The following GPR174 variants were observed in gnomAD, a reference collection of about 807,000 sequenced individuals.
GPR174 encodes the protein G protein-coupled receptor 174.
Under a neutral mutation model 16.5 loss-of-function variants are expected in GPR174, and 8 were observed. The ratio of observed to expected loss-of-function variants is 0.48; its 90% CI spans 0.28 to 0.87. GPR174 has a LOEUF of 0.87. Ranked by LOEUF, GPR174 falls within the 40% of genes least tolerant of loss-of-function variation. GPR174 has a pLI of 0.09. For synonymous variants in GPR174, 111 were observed against 94.8 expected (o/e 1.17, Z -0.99); for missense variants, 214 against 247.5 (o/e 0.86, Z 0.91).
At position 79,145,009 on chromosome X, in the gene GPR174, T is replaced by A. The variant is rs1386576468; in HGVS notation, c.-862T>A. On this transcript the variant is annotated 5_prime_UTR_variant, in exon 1 of 3. Transcript: ENST00000645147. ...TTCTTTCTTTCTCTCTCTCTCTCTT[T>A]CTTTCTTTCTTTCTTTCTTTCTTTC... is the stretch of plus-strand genomic sequence containing the variant. 2.4e-4 allele frequency: 2 copies of A among 8,306 alleles called. No individual in the cohort carries two copies. Among genetic ancestry groups the A allele is most frequent in the Non-Finnish European group, 4.0e-4 (2 of 5,048 alleles). 0.7% of individuals were successfully genotyped at this position (8,306 alleles called of 1,213,427 possible).
intron 2 of GPR174, among the ~76,000 whole-genome samples, chrX:79,169,072 T>A (rs1317868601): frequency 1.8e-5 from 2 of 112,135 alleles, no homozygotes; most frequent in Non-Finnish European, 3.8e-5. Flanking sequence ...GAACTCCATA[T>A]GAAATAGTTT....
chrX:79,172,511 T>C lies in GPR174; in HGVS notation c.*502T>C, dbSNP rs1454190540. The stretch of plus-strand genomic sequence containing the variant: ...ACCCTGTGTAAAGAAAATGTAAACA[T>C]AAGATCATTTTTATCTCTCAAGTGT... On this transcript the variant is annotated 3_prime_UTR_variant, in exon 3 of 3. Coordinates refer to ENST00000645147, the MANE Select transcript of GPR174 (RefSeq NM_032553.3). 8.8e-6 allele frequency: 1 copy of C among 113,148 alleles called. No homozygotes were observed. The highest frequency in any genetic ancestry group is 1.9e-5 in the Non-Finnish European group (1 of 53,971). 9.3% of individuals were successfully genotyped at this position (113,148 alleles called of 1,213,427 possible).
At chrX:79,158,445 TTTC>T (rs1238144403) in intron 2 of GPR174, among the ~76,000 whole-genome samples, 1,240 of 34,938 alleles carry the variant, frequency 0.035, 37 homozygotes, top group African/African-American at 0.082. Context: ...TTTCTTTCTT[TTTC>T]TTTTTTTTTT....
At chrX:79,164,616 C>T (rs1027851309) in intron 2 of GPR174, among the ~76,000 whole-genome samples, 1 of 111,605 alleles carries the variant, frequency 9.0e-6, no homozygotes, top group African/African-American at 3.3e-5. Context: ...ACCATGGAGG[C>T]TTATTTTCTG....
At chrX:79,169,024 A>G (rs1009628484) in intron 2 of GPR174, among the ~76,000 whole-genome samples, 1 of 111,859 alleles carries the variant, frequency 8.9e-6, no homozygotes, top group African/African-American at 3.3e-5. Flanking sequence ...GGATGAACAT[A>G]TTCATATTCA....
intron 2 of GPR174, among the ~76,000 whole-genome samples, chrX:79,161,195 A>G (rs1043394680): frequency 8.9e-6 from 1 of 112,009 alleles, no homozygotes; most frequent in African/African-American, 3.2e-5. Context: ...ATCTCTTTGC[A>G]CCTGACAAAT....
At chrX:79,153,516 T>C (rs1921026998) in intron 1 of GPR174, among the ~76,000 whole-genome samples, 1 of 111,431 alleles carries the variant, frequency 9.0e-6, no homozygotes, top group Admixed American at 9.5e-5. Context: ...TCTGTGTTTC[T>C]ATATGGGGTA....
chrX:79,146,945 A>G (rs1602334324), intron 1 of GPR174, among the ~76,000 whole-genome samples: 1 of 111,571 alleles, frequency 9.0e-6, no homozygotes, highest in Non-Finnish European at 1.9e-5. Context: ...ATCCTGATAC[A>G]AGCAGGGCAC....
chrX:79,147,507 G>GAAAAAA (rs3031528), intron 1 of GPR174, among the ~76,000 whole-genome samples: 1 of 88,408 alleles, frequency 1.1e-5, no homozygotes, highest in Non-Finnish European at 2.2e-5. Flanking sequence ...TGTGCTCATA[G>GAAAAAA]AAAAAAAAAA....
chrX:79,170,927 A>G lies in GPR174; in HGVS notation c.-81A>G, dbSNP rs978974807. On this transcript the variant is annotated 5_prime_UTR_variant, in exon 3 of 3. Transcript: ENST00000645147. Reference sequence around the variant, plus strand: ...CGTATCTCCAACCCACTGGCAATCAATCTTTTGGAAGGAACAGCAGTTGAT... The same window carrying G: ...CGTATCTCCAACCCACTGGCAATCAGTCTTTTGGAAGGAACAGCAGTTGAT... 1.1e-6 allele frequency: 1 copy of G among 892,564 alleles called. No individual in the cohort carries two copies. The highest frequency in any genetic ancestry group is 1.6e-6 in the Non-Finnish European group (1 of 638,583). The allele number at this position is 892,564 out of a possible 1,213,427, so 73.6% of individuals were successfully genotyped here.
At chrX:79,145,453 G>A (rs1926481012) in intron 1 of GPR174, among the ~76,000 whole-genome samples, 1 of 111,562 alleles carries the variant, frequency 9.0e-6, no homozygotes, top group Admixed American at 9.5e-5. Context: ...GAAAATATAA[G>A]TTTGACATGG....
Position 79,171,739 on chromosome X carries a change from A to G in GPR174, c.732A>G (p.Ala244=). 8.3e-7 allele frequency: 1 copy of G among 1,211,597 alleles called. No homozygotes were observed. The highest frequency in any genetic ancestry group is 1.1e-6 in the Non-Finnish European group (1 of 895,481). ...CAGGGGTATTCCTAATTTGCTTTGC[A>G]CCTTATCATTTCAGTTTTCCTTTAG... ...TCAGVFLICF[A]PYHFSFPLDF... The change falls in exon 3 of 3, where the codon GCA becomes GCG. Residue 244 remains alanine (A), a synonymous_variant. Transcript: ENST00000645147.
At chrX:79,147,087 C>A (rs1315083098) in intron 1 of GPR174, among the ~76,000 whole-genome samples, 3 of 111,640 alleles carry the variant, frequency 2.7e-5, no homozygotes, top group Admixed American at 9.5e-5. Context: ...AGATTCAGCC[C>A]TTGTCACTTT....
chrX:79,152,312 G>A (rs1175168291), intron 1 of GPR174, among the ~76,000 whole-genome samples: 1 of 111,485 alleles, frequency 9.0e-6, no homozygotes, highest in Non-Finnish European at 1.9e-5. Flanking sequence ...ACACGATAGA[G>A]CTATTTTTAT....
At chrX:79,170,400 T>A (rs1401403498) in intron 2 of GPR174, 52 bp from the exon 3 acceptor site, 1 of 110,930 alleles carries the variant, frequency 9.0e-6, no homozygotes, top group Non-Finnish European at 1.9e-5. Context: ...GCTTTTTTTT[T>A]TTTTTCAAAG....
intron 2 of GPR174, 87 bp downstream of exon 2, chrX:79,157,005 G>A (rs1921114953): frequency 8.9e-6 from 1 of 111,832 alleles, no homozygotes; most frequent in Admixed American, 9.5e-5. Context: ...CAGACAATTA[G>A]AGCGTTTGCT....
Position 79,145,000 on chromosome X carries a change from C to CTTTCTT in GPR174, c.-870_-869insTTCTTT, listed in dbSNP as rs1298481199. 3.9e-4 allele frequency: 13 copies of CTTTCTT among 33,544 alleles called. No homozygotes were observed. The highest frequency in any genetic ancestry group is 3.9e-3 in the South Asian group (2 of 514). The allele number at this position is 33,544 out of a possible 1,213,427, so 2.8% of individuals were successfully genotyped here. On this transcript the variant is annotated 5_prime_UTR_variant, in exon 1 of 3. Coordinates refer to ENST00000645147, the MANE Select transcript of GPR174 (RefSeq NM_032553.3). ...TCTTTTTCTTTCTTTCTTTCTCTCT[C>CTTTCTT]TCTCTCTTTCTTTCTTTCTTTCTTT...
chrX:79,148,613 G>T (rs748738068), intron 1 of GPR174, among the ~76,000 whole-genome samples: 3 of 111,021 alleles, frequency 2.7e-5, no homozygotes, highest in Admixed American at 9.5e-5. Flanking sequence ...TATCCCCTCG[G>T]ACTCAGATGA....
intron 1 of GPR174, among the ~76,000 whole-genome samples, chrX:79,151,999 A>T (rs1202994074): frequency 8.9e-6 from 1 of 111,942 alleles, no homozygotes; most frequent in Non-Finnish European, 1.9e-5. Flanking sequence ...TATTCTACAT[A>T]ATCTAATTTA....
Sources: allele counts gnomAD v4.1 joint callset (sites outside exome capture counted in the v4.1 genomes callset), GRCh38; gene constraint gnomAD v4.1.1; transcripts MANE v1.5; gene names NCBI Gene and HGNC (gene_info 2026-07-23, HGNC 2026-07-21).